Variants in PIGK observed in about 807,000 individuals in gnomAD.
PIGK encodes GPI-anchor transamidase.
Under a neutral mutation model 50.6 loss-of-function variants are expected in PIGK, and 42 were observed. The observed-to-expected ratio is 0.83, with a 90% CI of 0.65 to 1.07. The LOEUF (loss-of-function observed/expected upper bound fraction) is 1.07. Ranked by LOEUF, PIGK falls within the 50% of genes least tolerant of loss-of-function variation. PIGK has a pLI of 0.00. For synonymous variants in PIGK, 151 were observed against 156.0 expected (o/e 0.97, Z 0.24); for missense variants, 448 against 488.7 (o/e 0.92, Z 0.78).
chr1:77,103,539 G>A (rs746352264), intron 10 of PIGK, among the ~76,000 whole-genome samples: 1 of 152,180 alleles, frequency 6.6e-6, no homozygotes, highest in Non-Finnish European at 1.5e-5. Flanking sequence ...TCAGACATTG[G>A]ACAATTTGCA....
At chr1:77,138,227 T>C (rs1654566631) in intron 9 of PIGK, among the ~76,000 whole-genome samples, 1 of 152,236 alleles carries the variant, frequency 6.6e-6, no homozygotes, top group Non-Finnish European at 1.5e-5. Flanking sequence ...GAGACTGTCC[T>C]GAATGGGCTT....
rs1488425994 is a variant in PIGK at position 77,206,723 on chromosome 1, T to G, written c.156A>C (p.Thr52=). The G allele has an allele frequency of 5.6e-6, 9 of 1,599,756 alleles. No individual in the cohort carries two copies. The highest frequency in any genetic ancestry group is 1.7e-4 in the Middle Eastern group (1 of 6,056). Residue 52 remains threonine (T), a synonymous_variant, in exon 3 of 11, where the codon ACA becomes ACC. Coordinates refer to ENST00000370812, the MANE Select transcript of PIGK (RefSeq NM_005482.3). ...GTCGATAATTAAACCAGAATCGGGA[T>G]GTACACACCTGAAGTATTAAAACAA... ...HTNNWAVLVC[T]SRFWFNYRHV...
chr1:77,132,963 T>C (rs950731241), intron 9 of PIGK, among the ~76,000 whole-genome samples: 1 of 152,152 alleles, frequency 6.6e-6, no homozygotes, highest in Non-Finnish European at 1.5e-5. Flanking sequence ...CTATGTTTTT[T>C]CAGCATTTTG....
chr1:77,112,835 T>C (rs2100520846), intron 10 of PIGK, among the ~76,000 whole-genome samples: 1 of 152,174 alleles, frequency 6.6e-6, no homozygotes, highest in East Asian at 1.9e-4. Flanking sequence ...TCAGTACTGC[T>C]TACCTCAACT....
intron 3 of PIGK, among the ~76,000 whole-genome samples, chr1:77,202,667 T>C (rs1656197020): frequency 1.3e-5 from 2 of 152,098 alleles, no homozygotes; most frequent in Admixed American, 1.3e-4. Flanking sequence ...ATTAGGAAGA[T>C]TAATCTCACA....
chr1:77,162,838 A>G (rs1407914906), intron 6 of PIGK, among the ~76,000 whole-genome samples: 1 of 152,148 alleles, frequency 6.6e-6, no homozygotes, highest in Non-Finnish European at 1.5e-5. Context: ...AGAAACACCC[A>G]AAGTTAGGAG....
At position 77,091,878 on chromosome 1, in the gene PIGK, T is replaced by A. The variant is rs1325406677; in HGVS notation, c.*496A>T. ...GTGAATACTATGCAGTCATTCACAA[T>A]GTATTTTTGAGAGGGAAAAGGTTGA... is the stretch of plus-strand genomic sequence containing the variant. On this transcript the variant is annotated 3_prime_UTR_variant, in exon 11 of 11. Transcript: ENST00000370812. 1 of 152,538 alleles carries A rather than the reference T, an allele frequency of 6.6e-6. No individual in the cohort carries two copies. Among genetic ancestry groups the A allele is most frequent in the African/African-American group, 2.4e-5 (1 of 41,458 alleles). The allele number at this position is 152,538 out of a possible 1,614,324, so 9.4% of individuals were successfully genotyped here.
At chr1:77,116,106 G>C (rs1653955301) in intron 10 of PIGK, among the ~76,000 whole-genome samples, 1 of 152,074 alleles carries the variant, frequency 6.6e-6, no homozygotes. Flanking sequence ...CGGAGCCTCT[G>C]CCTTAGTGGA....
At chr1:77,114,146 T>C (rs1465413769) in intron 10 of PIGK, among the ~76,000 whole-genome samples, 1 of 152,140 alleles carries the variant, frequency 6.6e-6, no homozygotes, top group East Asian at 1.9e-4. Context: ...AACAAAGCCT[T>C]TGTGAAAAAA....
At chr1:77,190,199 G>A (rs1397444558) in intron 3 of PIGK, among the ~76,000 whole-genome samples, 2 of 151,674 alleles carry the variant, frequency 1.3e-5, no homozygotes, top group Non-Finnish European at 2.9e-5. Context: ...ACCAGCCTGG[G>A]CCACTTGGTG....
chr1:77,154,333 A>G, intron 9 of PIGK, 116 bp downstream of exon 9: 1 of 674,362 alleles, frequency 1.5e-6, no homozygotes. Context: ...AAGACTGGGT[A>G]TAAATGTGTA....
chr1:77,158,947 G>A (rs966837057), intron 8 of PIGK, among the ~76,000 whole-genome samples: 24 of 152,164 alleles, frequency 1.6e-4, no homozygotes. Context: ...GCAGAAATTT[G>A]CTAAGTAATG....
At chr1:77,147,569 A>G (rs555291430) in intron 9 of PIGK, among the ~76,000 whole-genome samples, 1 of 152,236 alleles carries the variant, frequency 6.6e-6, no homozygotes, top group Non-Finnish European at 1.5e-5. Flanking sequence ...AACCTGGAGG[A>G]TATCTTCCTA....
chr1:77,132,485 AG>A (rs1354383122), intron 9 of PIGK, among the ~76,000 whole-genome samples: 1 of 152,040 alleles, frequency 6.6e-6, no homozygotes, highest in Non-Finnish European at 1.5e-5. Flanking sequence ...CAATAATAGT[AG>A]TACCTTACAA....
chr1:77,215,726 G>A (rs560376003), intron 1 of PIGK, among the ~76,000 whole-genome samples: 30 of 152,274 alleles, frequency 2.0e-4, no homozygotes, highest in East Asian at 5.8e-4. Flanking sequence ...GTGCACACAC[G>A]TGTATATATA....
chr1:77,207,574 C>T (rs1223369805), intron 2 of PIGK, among the ~76,000 whole-genome samples: 2 of 151,702 alleles, frequency 1.3e-5, no homozygotes, highest in Non-Finnish European at 2.9e-5. Flanking sequence ...AGAAACAATC[C>T]AACCAAGTTT....
intron 9 of PIGK, among the ~76,000 whole-genome samples, chr1:77,135,855 T>C (rs1654498472): frequency 6.6e-6 from 1 of 151,954 alleles, no homozygotes; most frequent in African/African-American, 2.4e-5. Flanking sequence ...TCTTACACAA[T>C]GTTGTTATTA....
chr1:77,193,889 C>T (rs2100577796), intron 3 of PIGK, among the ~76,000 whole-genome samples: 1 of 152,214 alleles, frequency 6.6e-6, no homozygotes, highest in African/African-American at 2.4e-5. Context: ...AAACCATCAG[C>T]AGAGTAAACA....
At chr1:77,154,308 A>T in intron 9 of PIGK, 141 bp downstream of exon 9, 1 of 610,362 alleles carries the variant, frequency 1.6e-6, no homozygotes, top group East Asian at 2.8e-5. Flanking sequence ...AAAAGCATAC[A>T]GCCTACATAA....
Sources: gnomAD v4.1 joint callset for allele counts (sites outside exome capture counted in the v4.1 genomes callset) on GRCh38, gnomAD v4.1.1 for gene constraint, MANE v1.5 for transcripts, NCBI Gene and HGNC (gene_info 2026-07-23, HGNC 2026-07-21) for gene names.